The following ATG10 variants were observed in gnomAD, a reference collection of about 807,000 sequenced individuals.
ATG10 encodes the protein autophagy related 10.
Under a neutral mutation model 32.1 loss-of-function variants are expected in ATG10, and 30 were observed. That is an observed-to-expected ratio of 0.94 (90% CI 0.70 to 1.27). The LOEUF (loss-of-function observed/expected upper bound fraction) is 1.27, where lower values mean the gene tolerates loss of function less well. ATG10 is among the 50% of genes most tolerant of loss of function. ATG10 has a pLI of 0.00. For synonymous variants in ATG10, 87 were observed against 91.5 expected (o/e 0.95, Z 0.28); for missense variants, 233 against 262.3 (o/e 0.89, Z 0.77).
chr5:82,030,499 C>T lies in ATG10; in HGVS notation c.109-27996C>T, dbSNP rs1439498341. Among the ~76,000 whole-genome samples the T allele has an allele frequency of 1.1e-4, 16 of 152,158 alleles. 1 individual carries two copies. On this transcript the variant is annotated intron_variant, in intron 2 of 7. Coordinates refer to ENST00000282185, the MANE Select transcript of ATG10 (RefSeq NM_031482.5). Reference sequence around the variant, plus strand: ...TTACTTGTCCGCTTCTCCATGTCTGCCACATCAAAAGTGGGAACTCATTTC... The same window carrying T: ...TTACTTGTCCGCTTCTCCATGTCTGTCACATCAAAAGTGGGAACTCATTTC...
chr5:82,185,716 G>C (rs968684237), intron 5 of ATG10, among the ~76,000 whole-genome samples: 1 of 152,128 alleles, frequency 6.6e-6, no homozygotes, highest in African/African-American at 2.4e-5. Context: ...GAAGTCACTG[G>C]TTAAGGATTC....
chr5:82,062,735 T>C (rs548846936), intron 3 of ATG10, among the ~76,000 whole-genome samples: 9 of 152,248 alleles, frequency 5.9e-5, no homozygotes, highest in African/African-American at 1.9e-4. Context: ...AGCCTCCAAG[T>C]TGGAAACTAA....
chr5:81,998,301 G>T (rs984921893), intron 2 of ATG10, among the ~76,000 whole-genome samples: 1 of 152,194 alleles, frequency 6.6e-6, no homozygotes, highest in Admixed American at 6.5e-5. Context: ...TTTCATAAGT[G>T]AAGGAGAAAT....
intron 2 of ATG10, among the ~76,000 whole-genome samples, chr5:82,042,289 C>T (rs1763108193): frequency 1.3e-5 from 2 of 152,152 alleles, no homozygotes; most frequent in African/African-American, 2.4e-5. Flanking sequence ...CTGCCACACA[C>T]TTTTAAACCA....
intron 2 of ATG10, among the ~76,000 whole-genome samples, chr5:82,002,984 C>T (rs150298898): frequency 2.0e-5 from 3 of 152,180 alleles, no homozygotes; most frequent in Non-Finnish European, 4.4e-5. Context: ...GACCTAAGAA[C>T]ACAGTATTTT....
chr5:82,063,712 G>A (rs1393095646), intron 3 of ATG10, among the ~76,000 whole-genome samples: 2 of 151,960 alleles, frequency 1.3e-5, no homozygotes, highest in African/African-American at 4.8e-5. Context: ...GGCTGGTCTC[G>A]AACTCCTGAT....
chr5:82,066,986 C>G (rs576811745), intron 3 of ATG10, among the ~76,000 whole-genome samples: 2 of 152,126 alleles, frequency 1.3e-5, no homozygotes, highest in South Asian at 4.1e-4. Flanking sequence ...GTTAAAATTC[C>G]AGGAAGTCTG....
intron 5 of ATG10, among the ~76,000 whole-genome samples, chr5:82,211,700 G>A (rs752940890): frequency 1.1e-4 from 17 of 152,140 alleles, no homozygotes; most frequent in Non-Finnish European, 1.9e-4. Context: ...TGGGGCCTGG[G>A]CTTAACCCAC....
At chr5:82,028,412 C>T (rs1762652603) in intron 2 of ATG10, among the ~76,000 whole-genome samples, 1 of 152,074 alleles carries the variant, frequency 6.6e-6, no homozygotes, top group African/African-American at 2.4e-5. Flanking sequence ...AAGTATGGAA[C>T]CAGGCTTGAG....
chr5:82,194,535 T>A (rs1225852229), intron 5 of ATG10, among the ~76,000 whole-genome samples: 1 of 152,172 alleles, frequency 6.6e-6, no homozygotes, highest in Non-Finnish European at 1.5e-5. Context: ...GTCCATTTTG[T>A]TTCTTAAAAG....
intron 3 of ATG10, among the ~76,000 whole-genome samples, chr5:82,117,975 A>G (rs1196478580): frequency 6.6e-6 from 1 of 152,048 alleles, no homozygotes; most frequent in Non-Finnish European, 1.5e-5. Context: ...CCATAAGAGG[A>G]GATGTTGCTG....
In ATG10 at chr5:82,049,457, G is replaced by A. The variant is rs192832822; in HGVS notation, c.109-9038G>A. On this transcript the variant is annotated intron_variant, in intron 2 of 7. Coordinates refer to ENST00000282185, the MANE Select transcript of ATG10 (RefSeq NM_031482.5). ...GGAGATATACGTAATGCTAGATGAC[G>A]AGTTAGTGGGTGCAGCGCACCAGCA... Among the ~76,000 whole-genome samples the A allele has an allele frequency of 3.0e-4, 46 of 151,740 alleles. 1 individual carries two copies. The highest frequency in any genetic ancestry group is 4.6e-4 in the Non-Finnish European group (31 of 67,946).
At chr5:82,068,922 A>ATT (rs1333298656) in intron 3 of ATG10, among the ~76,000 whole-genome samples, 12 of 143,988 alleles carry the variant, frequency 8.3e-5, no homozygotes, top group Admixed American at 2.1e-4. Flanking sequence ...TGCCCCTTTG[A>ATT]TTTTTTTTTT....
At chr5:82,136,041 C>T (rs922361956) in intron 3 of ATG10, among the ~76,000 whole-genome samples, 9 of 151,810 alleles carry the variant, frequency 5.9e-5, no homozygotes, top group African/African-American at 2.2e-4. Flanking sequence ...AAATTGCAAC[C>T]CCTGATTTTT....
chr5:82,100,014 T>G lies in ATG10; in HGVS notation c.216+41412T>G, dbSNP rs184168531. Among the ~76,000 whole-genome samples the G allele has an allele frequency of 3.0e-3, 396 of 133,466 alleles. 9 individuals are homozygous for G. The highest frequency in any genetic ancestry group is 0.019 in the Admixed American group (257 of 13,454). 87.6% of individuals were successfully genotyped at this position (133,466 alleles called of 152,430 possible). ...TCTTTTTCTGTGTTTTTTTTTTTTT[T>G]TTTTTTTTTTTTGAGCTGGAGTCTC... is the stretch of plus-strand genomic sequence containing the variant. On this transcript the variant is annotated intron_variant, in intron 3 of 7. Coordinates refer to ENST00000282185, the MANE Select transcript of ATG10 (RefSeq NM_031482.5).
chr5:82,157,378 T>C (rs999017208), intron 3 of ATG10, among the ~76,000 whole-genome samples: 8 of 152,194 alleles, frequency 5.3e-5, no homozygotes, highest in African/African-American at 1.9e-4. Context: ...AGACATATGT[T>C]GAACCCGCTG....
chr5:82,206,736 T>C (rs1035630445), intron 5 of ATG10, among the ~76,000 whole-genome samples: 7 of 152,166 alleles, frequency 4.6e-5, no homozygotes, highest in Non-Finnish European at 8.8e-5. Context: ...ATTCCATCTG[T>C]GTAGCCCAGT....
rs190504235 is a variant in ATG10, at chr5:81,973,613, C to T, written c.-13+1307C>T. Among the ~76,000 whole-genome samples the T allele has an allele frequency of 4.6e-5, 7 of 152,258 alleles. No homozygotes were observed. The East Asian group carries it at 1.4e-3, about 29-fold the overall frequency. On this transcript the variant is annotated intron_variant, in intron 1 of 7. Coordinates refer to ENST00000282185, the MANE Select transcript of ATG10 (RefSeq NM_031482.5). The stretch of plus-strand genomic sequence containing the variant: ...AACTTTTGTTATTGGACAATGGTCT[C>T]TATTCTTTAGTGGCAAAAACAAGTT...
At chr5:82,198,229 G>A (rs79358231) in intron 5 of ATG10, among the ~76,000 whole-genome samples, 1,623 of 152,312 alleles carry the variant, frequency 0.011, 37 homozygotes, top group African/African-American at 0.037. Context: ...CTTTGCTCAA[G>A]TGAGGTAGAA....
Sources: gnomAD v4.1 joint callset for allele counts (sites outside exome capture counted in the v4.1 genomes callset) on GRCh38, gnomAD v4.1.1 for gene constraint, MANE v1.5 for transcripts, NCBI Gene and HGNC (gene_info 2026-07-23, HGNC 2026-07-21) for gene names.